KCNJ3: variants seen among roughly 807,000 people sequenced by gnomAD.
KCNJ3 encodes potassium inwardly rectifying channel subfamily J member 3.
A neutral mutation model predicts 39.2 loss-of-function variants in KCNJ3; 4 were observed. That is an observed-to-expected ratio of 0.10 (90% CI 0.05 to 0.23). The LOEUF (loss-of-function observed/expected upper bound fraction) is 0.23, where lower values mean the gene tolerates loss of function less well. Among genes scored for constraint, KCNJ3 ranks in the 10% least tolerant of loss-of-function variants. The pLI is 1.00. For synonymous variants in KCNJ3, 230 were observed against 237.4 expected, an observed-to-expected ratio of 0.97 and a Z score of 0.29; for missense variants, 276 against 634.9, an observed-to-expected ratio of 0.43 and a Z score of 6.08.
chr2:154,721,962 T>G (rs1330380717), intron 2 of KCNJ3, among the ~76,000 whole-genome samples: 5 of 152,144 alleles, frequency 3.3e-5, no homozygotes, highest in African/African-American at 2.4e-5. Flanking sequence ...TTAAAATAAT[T>G]TATAATGACA....
rs542868068 is a variant in KCNJ3 at position 154,854,860 on chromosome 2, C to T, written c.1053C>T (p.Val351=). The stretch of plus-strand genomic sequence containing the variant: ...CCCAGTTCCATGCAACATTTGAAGT[C>T]CCCACCCCACCTTACAGTGTGAAAG... The part of the protein sequence containing the change: ...DYSQFHATFE[V]PTPPYSVKEQ... The change falls in exon 3 of 3, where the codon GTC becomes GTT. Residue 351 remains valine (V), a synonymous_variant. Coordinates refer to ENST00000295101, the MANE Select transcript of KCNJ3 (RefSeq NM_002239.4). The T allele has an allele frequency of 3.1e-6, 5 of 1,613,840 alleles. No individual in the cohort carries two copies. The highest frequency in any genetic ancestry group is 1.1e-5 in the South Asian group (1 of 91,070).
chr2:154,769,635 G>C (rs1686202803), intron 2 of KCNJ3, among the ~76,000 whole-genome samples: 1 of 152,246 alleles, frequency 6.6e-6, no homozygotes, highest in African/African-American at 2.4e-5. Context: ...AGGGATATTG[G>C]TCTAAAATTC....
chr2:154,761,941 A>G lies in KCNJ3; in HGVS notation c.919+52122A>G, dbSNP rs566221318. Among the ~76,000 whole-genome samples the G allele has an allele frequency of 4.9e-4, 74 of 152,334 alleles. 1 individual carries two copies. The highest frequency in any genetic ancestry group is 4.2e-3 in the Admixed American group (65 of 15,296). On this transcript the variant is annotated intron_variant, in intron 2 of 2. Coordinates refer to ENST00000295101, the MANE Select transcript of KCNJ3 (RefSeq NM_002239.4). ...GTTAAGTATCATACCTAGGTTATCC[A>G]GGTGTACCCAGTGACATCACAGAGT...
rs1209722589 is a variant in KCNJ3 at position 154,835,032 on chromosome 2, C to T, written c.920-19695C>T. On this transcript the variant is annotated intron_variant, in intron 2 of 2. Transcript: ENST00000295101. ...TATTTTTTTTTTTAAATATCATTAC[C>T]TCCGATATTCTTCCTTTTGATTTGG... is the stretch of plus-strand genomic sequence containing the variant. Among the ~76,000 whole-genome samples, 3 of 151,386 alleles carry T rather than the reference C, an allele frequency of 2.0e-5. No individual in the cohort carries two copies. The East Asian group carries it at 5.8e-4, about 29-fold the overall frequency.
chr2:154,770,865 C>T (rs1321900988), intron 2 of KCNJ3, among the ~76,000 whole-genome samples: 1 of 149,708 alleles, frequency 6.7e-6, no homozygotes, highest in Non-Finnish European at 1.5e-5. Flanking sequence ...GACAGTAAGT[C>T]TCAAGATTTT....
intron 2 of KCNJ3, among the ~76,000 whole-genome samples, chr2:154,720,088 A>T (rs1455857062): frequency 4.6e-5 from 7 of 152,068 alleles, no homozygotes; most frequent in African/African-American, 1.7e-4. Flanking sequence ...GAGATAAAAT[A>T]ATATGAAGTT....
intron 2 of KCNJ3, among the ~76,000 whole-genome samples, chr2:154,781,075 T>G (rs1242662900): frequency 6.6e-6 from 1 of 152,008 alleles, no homozygotes; most frequent in African/African-American, 2.4e-5. Flanking sequence ...AGTGATGAGA[T>G]ATGAGAAGGA....
At chr2:154,776,558 C>A (rs747633224) in intron 2 of KCNJ3, among the ~76,000 whole-genome samples, 1 of 152,052 alleles carries the variant, frequency 6.6e-6, no homozygotes, top group Non-Finnish European at 1.5e-5. Flanking sequence ...AAAACAGGTT[C>A]TTACCATTCC....
intron 2 of KCNJ3, among the ~76,000 whole-genome samples, chr2:154,744,205 T>C (rs1051742086): frequency 7.3e-5 from 11 of 151,678 alleles, no homozygotes; most frequent in Non-Finnish European, 1.3e-4. Flanking sequence ...TTGGTTATGA[T>C]GTATAGTTCT....
chr2:154,806,921 G>A (rs2652449), intron 2 of KCNJ3, among the ~76,000 whole-genome samples: 79,504 of 151,968 alleles, frequency 0.52, 21,289 homozygotes, highest in Non-Finnish European at 0.59. Flanking sequence ...TAGATTCCAC[G>A]GGTTTCACCT....
At chr2:154,775,451 C>T (rs544058819) in intron 2 of KCNJ3, among the ~76,000 whole-genome samples, 21 of 152,226 alleles carry the variant, frequency 1.4e-4, no homozygotes, top group African/African-American at 4.3e-4. Context: ...TATCATAGTG[C>T]TATTTGCTTC....
At chr2:154,708,527 C>T (rs1290192509) in intron 1 of KCNJ3, among the ~76,000 whole-genome samples, 1 of 152,096 alleles carries the variant, frequency 6.6e-6, no homozygotes, top group African/African-American at 2.4e-5. Flanking sequence ...TTCATCAGTC[C>T]TATTTGACCA....
At chr2:154,793,372 A>G (rs1686670027) in intron 2 of KCNJ3, among the ~76,000 whole-genome samples, 1 of 152,032 alleles carries the variant, frequency 6.6e-6, no homozygotes, top group African/African-American at 2.4e-5. Context: ...TGTGCCTTCT[A>G]GGAACATGCT....
At chr2:154,842,245 G>A (rs1028669955) in intron 2 of KCNJ3, among the ~76,000 whole-genome samples, 8 of 152,174 alleles carry the variant, frequency 5.3e-5, no homozygotes, top group Non-Finnish European at 8.8e-5. Flanking sequence ...ATGTAGTTGT[G>A]CAGTTTTGAA....
intron 2 of KCNJ3, among the ~76,000 whole-genome samples, chr2:154,829,319 C>CCTT (rs942709535): frequency 6.6e-6 from 1 of 152,072 alleles, no homozygotes; most frequent in African/African-American, 2.4e-5. Flanking sequence ...TCTATTGTTT[C>CCTT]CTTCTTTATT....
chr2:154,800,151 T>C (rs1223266093), intron 2 of KCNJ3, among the ~76,000 whole-genome samples: 1 of 152,192 alleles, frequency 6.6e-6, no homozygotes, highest in Non-Finnish European at 1.5e-5. Context: ...ATTTGCATGA[T>C]GTTTGTCTGG....
At chr2:154,705,855 C>G (rs1406601923) in intron 1 of KCNJ3, among the ~76,000 whole-genome samples, 8 of 152,010 alleles carry the variant, frequency 5.3e-5, no homozygotes. Flanking sequence ...GTAATGCAAT[C>G]AACAAGATAT....
At chr2:154,769,135 G>A (rs1200417784) in intron 2 of KCNJ3, among the ~76,000 whole-genome samples, 6 of 152,254 alleles carry the variant, frequency 3.9e-5, no homozygotes, top group Admixed American at 3.3e-4. Flanking sequence ...TCTGCAAACA[G>A]GGACAATTTG....
intron 2 of KCNJ3, among the ~76,000 whole-genome samples, chr2:154,769,568 G>T (rs1686200914): frequency 6.6e-6 from 1 of 152,160 alleles, no homozygotes; most frequent in Admixed American, 6.5e-5. Flanking sequence ...GCTTTTTGAT[G>T]TGCTGCTGGA....
Sources: gnomAD v4.1 joint callset for allele counts (sites outside exome capture counted in the v4.1 genomes callset) on GRCh38, gnomAD v4.1.1 for gene constraint, MANE v1.5 for transcripts, NCBI Gene and HGNC (gene_info 2026-07-23, HGNC 2026-07-21) for gene names.